Variants in ANKRD6 observed in about 807,000 individuals in gnomAD.
ANKRD6 encodes ankyrin repeat domain 6, also known as ankyrin repeat domain-containing protein 6.
In ANKRD6, 56 loss-of-function variants were observed where a neutral mutation model predicts 82.3. That is an observed-to-expected ratio of 0.68 (90% CI 0.55 to 0.85). The LOEUF is 0.85. Among genes scored for constraint, ANKRD6 ranks in the 40% least tolerant of loss-of-function variants. ANKRD6 has a pLI of 0.00. For missense variants in ANKRD6, 852 were observed against 907.6 expected, an observed-to-expected ratio of 0.94 and a Z score of 0.79; for synonymous variants, 347 against 352.1, an observed-to-expected ratio of 0.99 and a Z score of 0.16.
At position 89,437,220 on chromosome 6, in the gene ANKRD6, C is replaced by T. The variant is rs192961713; in HGVS notation, c.-144+3845C>T. On this transcript the variant is annotated intron_variant, in intron 1 of 15. Coordinates refer to ENST00000339746, the MANE Select transcript of ANKRD6 (RefSeq NM_001242809.2). ...CCTACCCCCACCCCATAAAAGGCCC[C>T]TTTATTTGGATGTCTTATCCCATTT... Among the ~76,000 whole-genome samples the T allele has an allele frequency of 2.6e-3, 389 of 152,240 alleles. 1 individual carries two copies. Among genetic ancestry groups the T allele is most frequent in the African/African-American group, 8.9e-3 (369 of 41,560 alleles).
chr6:89,480,729 G>A (rs889778369), intron 1 of ANKRD6, among the ~76,000 whole-genome samples: 2 of 151,234 alleles, frequency 1.3e-5, no homozygotes, highest in African/African-American at 4.8e-5. Context: ...CTTGAGGCCA[G>A]GAGTTTGAGA....
chr6:89,494,996 A>C (rs1348985113), intron 1 of ANKRD6, among the ~76,000 whole-genome samples: 1 of 152,162 alleles, frequency 6.6e-6, no homozygotes, highest in Non-Finnish European at 1.5e-5. Flanking sequence ...GCACTTTGGG[A>C]GGCCGAGGTG....
chr6:89,462,147 G>A (rs536497226), intron 1 of ANKRD6, among the ~76,000 whole-genome samples: 1 of 151,606 alleles, frequency 6.6e-6, no homozygotes, highest in East Asian at 1.9e-4. Flanking sequence ...CAGGAGAATC[G>A]CTTGAACCCG....
At chr6:89,552,970 G>T (rs62415449) in intron 1 of ANKRD6, among the ~76,000 whole-genome samples, 1 of 152,182 alleles carries the variant, frequency 6.6e-6, no homozygotes, top group Non-Finnish European at 1.5e-5. Context: ...GACAGTCCAT[G>T]TAGTACCGGT....
At chr6:89,609,030 C>T (rs978721100) in intron 5 of ANKRD6, among the ~76,000 whole-genome samples, 8 of 152,216 alleles carry the variant, frequency 5.3e-5, no homozygotes, top group African/African-American at 1.7e-4. Flanking sequence ...TGCCTATAGA[C>T]CTCCAACCTG....
chr6:89,448,177 G>T (rs1772340157), intron 1 of ANKRD6, among the ~76,000 whole-genome samples: 1 of 152,102 alleles, frequency 6.6e-6, no homozygotes, highest in Admixed American at 6.5e-5. Context: ...GCTCACACCT[G>T]TAATCCCAGC....
At chr6:89,616,683 C>A in intron 8 of ANKRD6, 26 bp downstream of exon 8, 1 of 1,609,766 alleles carries the variant, frequency 6.2e-7, no homozygotes, top group Non-Finnish European at 8.5e-7. Flanking sequence ...ACATTGCTTT[C>A]TAAAGTGGTT....
chr6:89,528,885 CTTG>C (rs1167057401), intron 1 of ANKRD6, among the ~76,000 whole-genome samples: 1 of 152,212 alleles, frequency 6.6e-6, no homozygotes, highest in South Asian at 2.1e-4. Context: ...GGAAGGGAAT[CTTG>C]TTATCTGAGC....
At chr6:89,459,379 A>G (rs1773865507) in intron 1 of ANKRD6, among the ~76,000 whole-genome samples, 1 of 152,158 alleles carries the variant, frequency 6.6e-6, no homozygotes, top group Admixed American at 6.5e-5. Flanking sequence ...TGCCTGGCTG[A>G]ACATATCTTT....
chr6:89,439,047 G>A (rs1484259564), intron 1 of ANKRD6, among the ~76,000 whole-genome samples: 2 of 152,130 alleles, frequency 1.3e-5, no homozygotes, highest in Non-Finnish European at 2.9e-5. Flanking sequence ...TCATAGTGGA[G>A]GGTGTGGAGA....
At chr6:89,541,462 C>T (rs980226291) in intron 1 of ANKRD6, among the ~76,000 whole-genome samples, 3 of 141,366 alleles carry the variant, frequency 2.1e-5, no homozygotes, top group Non-Finnish European at 4.5e-5. Context: ...GCGCTATCTC[C>T]GCTCACTGCA....
chr6:89,629,560 TCTC>T (rs1342553778), intron 15 of ANKRD6: 1 of 372,950 alleles, frequency 2.7e-6, no homozygotes, highest in Non-Finnish European at 5.2e-6. Context: ...GATCCATCGG[TCTC>T]CTCAGCAGGG....
chr6:89,453,804 T>C (rs1309398874), intron 1 of ANKRD6, among the ~76,000 whole-genome samples: 1 of 151,238 alleles, frequency 6.6e-6, no homozygotes, highest in Admixed American at 6.6e-5. Flanking sequence ...TATTTTATTT[T>C]ATTTTTTAAT....
At chr6:89,547,153 T>C (rs1485238672) in intron 1 of ANKRD6, among the ~76,000 whole-genome samples, 2 of 151,220 alleles carry the variant, frequency 1.3e-5, no homozygotes, top group Non-Finnish European at 2.9e-5. Flanking sequence ...GGGGCACTGT[T>C]GTGGGCCATT....
intron 12 of ANKRD6, 81 bp downstream of exon 12, chr6:89,624,138 T>G: frequency 7.1e-7 from 1 of 1,399,786 alleles, no homozygotes; most frequent in South Asian, 1.4e-5. Flanking sequence ...TGGGGGCTGA[T>G]AGGCACTTTA....
chr6:89,614,823 C>T (rs527390866), intron 7 of ANKRD6, among the ~76,000 whole-genome samples: 18 of 141,550 alleles, frequency 1.3e-4, no homozygotes, highest in African/African-American at 4.2e-4. Context: ...AGAATGAGAC[C>T]CCGTCTCTTT....
In ANKRD6 at chr6:89,484,504, G is replaced by A. The variant is rs185054269; in HGVS notation, c.-144+51129G>A. On this transcript the variant is annotated intron_variant, in intron 1 of 15. Transcript: ENST00000339746. Reference sequence around the variant, plus strand: ...TTGTTTGGTAAAGTTTTCCCACATAGGACTCACTTCCTTAACTGCTTACAG... The same window carrying A: ...TTGTTTGGTAAAGTTTTCCCACATAAGACTCACTTCCTTAACTGCTTACAG... 1.6e-4 allele frequency among the ~76,000 whole-genome samples: 24 copies of A among 152,220 alleles called. 1 individual carries two copies. The East Asian group carries it at 4.5e-3, about 28-fold the overall frequency.
intron 1 of ANKRD6, among the ~76,000 whole-genome samples, chr6:89,444,285 A>G (rs1044507960): frequency 1.3e-5 from 2 of 152,196 alleles, no homozygotes; most frequent in Non-Finnish European, 2.9e-5. Flanking sequence ...AAAACTTAGG[A>G]GAGAGTGGCA....
chr6:89,464,752 A>G (rs986205597), intron 1 of ANKRD6, among the ~76,000 whole-genome samples: 8 of 152,226 alleles, frequency 5.3e-5, no homozygotes, highest in African/African-American at 1.9e-4. Flanking sequence ...ACGTCTGCAT[A>G]GAATTCTGAG....
Sources: gnomAD v4.1 joint callset for allele counts (sites outside exome capture counted in the v4.1 genomes callset) on GRCh38, gnomAD v4.1.1 for gene constraint, MANE v1.5 for transcripts, NCBI Gene and HGNC (gene_info 2026-07-23, HGNC 2026-07-21) for gene names.